SLC43A1: variants seen among roughly 807,000 people sequenced by gnomAD.
SLC43A1 encodes solute carrier family 43 member 1.
SLC43A1 carries 31 observed loss-of-function variants against 59.5 expected under a neutral mutation model. The observed-to-expected ratio is 0.52, with a 90% CI of 0.39 to 0.70. The LOEUF (loss-of-function observed/expected upper bound fraction) is 0.70, where lower values mean the gene tolerates loss of function less well. SLC43A1 is among the 30% of genes least tolerant of loss of function. The probability of loss-of-function intolerance (pLI) is 0.00; values close to 1 mark genes in which losing one functional copy is unlikely to be tolerated. For missense variants in SLC43A1, 598 were observed against 717.8 expected (o/e 0.83, Z 1.91); for synonymous variants, 259 against 290.9 (o/e 0.89, Z 1.12).
rs372836984 is a variant in SLC43A1 at position 57,513,980 on chromosome 11, G to A, written c.132C>T (p.Gly44=). ...TACCTGGGCACGTGCTGGAATAGAAGCCCTCGTTCTTCAGAATGATCAACA... is the reference window on the plus strand; with the variant it reads ...TACCTGGGCACGTGCTGGAATAGAAACCCTCGTTCTTCAGAATGATCAACA... ...GSLLIILKNE[G]FYSSTCPAES... Residue 44 remains glycine (G), a synonymous_variant, in exon 2 of 15, where the codon GGC becomes GGT. Coordinates refer to ENST00000278426, the MANE Select transcript of SLC43A1 (RefSeq NM_003627.6). 2 of 1,315,916 alleles carry A rather than the reference G, an allele frequency of 1.5e-6. No individual in the cohort carries two copies. The highest frequency in any genetic ancestry group is 2.0e-5 in the Admixed American group (1 of 50,752). The allele number at this position is 1,315,916 out of a possible 1,614,324, so 81.5% of individuals were successfully genotyped here.
chr11:57,500,198 C>G (rs1944218517), intron 5 of SLC43A1, among the ~76,000 whole-genome samples: 1 of 152,190 alleles, frequency 6.6e-6, no homozygotes, highest in South Asian at 2.1e-4. Flanking sequence ...ATGTGCACGA[C>G]GAGGTGTCGA....
intron 8 of SLC43A1, among the ~76,000 whole-genome samples, chr11:57,493,784 T>G (rs1469718667): frequency 6.6e-6 from 1 of 152,174 alleles, no homozygotes; most frequent in East Asian, 1.9e-4. Flanking sequence ...ATCCCAGGAA[T>G]CCAGCAGGGT....
intron 2 of SLC43A1, among the ~76,000 whole-genome samples, chr11:57,510,565 T>C (rs1471522622): frequency 3.3e-5 from 5 of 151,294 alleles, no homozygotes; most frequent in Admixed American, 6.6e-5. Context: ...AATAGGCTGG[T>C]CCCAGTGCAG....
chr11:57,484,779 C>G lies in SLC43A1; in HGVS notation c.*317G>C, dbSNP rs77679817. The G allele has an allele frequency of 1.8e-3, 454 of 256,798 alleles. 11 individuals carry two copies. In the East Asian group the frequency reaches 0.023, roughly 13 times the overall value. The allele number at this position is 256,798 out of a possible 1,614,324, so 15.9% of individuals were successfully genotyped here. A position where few individuals can be genotyped will look rare whatever the true frequency, so the allele number is the denominator to read the frequency against. On this transcript the variant is annotated 3_prime_UTR_variant, in exon 15 of 15. Coordinates refer to ENST00000278426, the MANE Select transcript of SLC43A1 (RefSeq NM_003627.6). ...AGGGGTAGCCTGTTTGCCGATCCCC[C>G]CAAGAGGTACCAGGAGGCAGACCGC...
chr11:57,503,552 G>A (rs1285948356), intron 2 of SLC43A1, among the ~76,000 whole-genome samples: 1 of 151,894 alleles, frequency 6.6e-6, no homozygotes, highest in African/African-American at 2.4e-5. Flanking sequence ...CGAACTCCTG[G>A]GCCCAAGTGA....
chr11:57,514,727 G>T lies in SLC43A1; in HGVS notation c.-13-603C>A. Reference sequence around the variant, plus strand: ...AGCCAACAGCTGCCACGTGGAGGGAGACCCAGGACGGGCTCTCCTCGGTTC... The same window carrying T: ...AGCCAACAGCTGCCACGTGGAGGGATACCCAGGACGGGCTCTCCTCGGTTC... On this transcript the variant is annotated intron_variant, in intron 1 of 14. Coordinates refer to ENST00000278426, the MANE Select transcript of SLC43A1 (RefSeq NM_003627.6). This position sits in a 1 kb window ranked among gnomAD's most constrained non-coding sequence, Gnocchi z 5.5. 1 of 711,682 alleles carries T rather than the reference G, an allele frequency of 1.4e-6. No individual in the cohort carries two copies. Among genetic ancestry groups the T allele is most frequent in the Non-Finnish European group, 1.7e-6 (1 of 579,568 alleles). 44.1% of individuals were successfully genotyped at this position (711,682 alleles called of 1,614,324 possible).
chr11:57,497,670 C>G lies in SLC43A1; in HGVS notation c.558+83G>C, dbSNP rs367946128. ...GAAAGGAGAGCGGAGAAGTCAGACC[C>G]GTGGGTCAGCACTAGCTGCTGCTCA... On this transcript the variant is annotated intron_variant, in intron 6 of 14. Transcript: ENST00000278426. 46 of 982,198 alleles carry G rather than the reference C, an allele frequency of 4.7e-5. 1 individual carries two copies. In the South Asian group the frequency reaches 6.2e-4, roughly 13 times the overall value. The allele number at this position is 982,198 out of a possible 1,614,324, so 60.8% of individuals were successfully genotyped here.
chr11:57,499,334 A>C (rs888450348), intron 5 of SLC43A1, among the ~76,000 whole-genome samples: 3 of 151,826 alleles, frequency 2.0e-5, no homozygotes, highest in African/African-American at 7.2e-5. Context: ...AACAAAAAAA[A>C]AAAAAATGGT....
rs892711290 is a variant in SLC43A1 at position 57,514,841 on chromosome 11, C to A, written c.-14+603G>T. On this transcript the variant is annotated intron_variant, in intron 1 of 14. Transcript: ENST00000278426. The surrounding 1 kb of genome is among the most constrained non-coding windows in gnomAD (Gnocchi z 5.5). ...GAACCCGCTTGCCCCCCTCCAGCCC[C>A]GGGAGGGGGCTCGGACTTCGGCAGG... 4 of 985,428 alleles carry A rather than the reference C, an allele frequency of 4.1e-6. No individual in the cohort carries two copies. The highest frequency in any genetic ancestry group is 4.8e-6 in the Non-Finnish European group (4 of 830,082). 61.0% of individuals were successfully genotyped at this position (985,428 alleles called of 1,614,324 possible). A position where few individuals can be genotyped will look rare whatever the true frequency, so the allele number is the denominator to read the frequency against.
chr11:57,489,122 T>C, intron 12 of SLC43A1, 129 bp downstream of exon 12: 1 of 1,447,568 alleles, frequency 6.9e-7, no homozygotes, highest in Non-Finnish European at 9.6e-7. Context: ...AAACACTTCC[T>C]GGAGAACCCG....
intron 2 of SLC43A1, among the ~76,000 whole-genome samples, chr11:57,503,064 T>C (rs1944306865): frequency 6.6e-6 from 1 of 152,120 alleles, no homozygotes; most frequent in African/African-American, 2.4e-5. Flanking sequence ...TAAAGGAATC[T>C]GTGTGTTGAC....
In SLC43A1 at chr11:57,500,794, C is replaced by CGTTA; in HGVS notation, c.446_449dup (p.Phe151AsnfsTer77). On this transcript the variant is annotated frameshift_variant, in exon 5 of 15. Coordinates refer to ENST00000278426, the MANE Select transcript of SLC43A1 (RefSeq NM_003627.6). LOFTEE classifies it high-confidence loss of function. Reference sequence around the variant, plus strand: ...TGACACTCACCGTGAGTGAAGTGAACGTTAGGCAGATGCCACCAAAGCCAT... The same window carrying CGTTA: ...TGACACTCACCGTGAGTGAAGTGAACGTTAGTTAGGCAGATGCCACCAAAGCCAT... 6.2e-7 allele frequency: 1 copy of CGTTA among 1,614,172 alleles called. No individual in the cohort carries two copies. Among genetic ancestry groups the CGTTA allele is most frequent in the Non-Finnish European group, 8.5e-7 (1 of 1,180,002 alleles).
chr11:57,489,129 C>T lies in SLC43A1; in HGVS notation c.1335+122G>A. The T allele has an allele frequency of 2.1e-6, 3 of 1,458,444 alleles. No homozygotes were observed. The South Asian group carries it at 3.6e-5, about 17-fold the overall frequency. The allele number at this position is 1,458,444 out of a possible 1,614,324, so 90.3% of individuals were successfully genotyped here. On this transcript the variant is annotated intron_variant, in intron 12 of 14. Coordinates refer to ENST00000278426, the MANE Select transcript of SLC43A1 (RefSeq NM_003627.6). ...TCTACTAGAAACACTTCCTGGAGAA[C>T]CCGGAAAATAGATCCAGATCAGAAG...
rs373802105 is a variant in SLC43A1, at chr11:57,496,177, G to C, written c.559-13C>G. On this transcript the variant is annotated splice_polypyrimidine_tract_variant and intron_variant, in intron 6 of 14. Transcript: ENST00000278426. The stretch of plus-strand genomic sequence containing the variant: ...CATCGTAGATCAGCTGTGAGAGGAG[G>C]GGGCAGGCCCGTGGGGGAGACTGCC... 1.1e-4 allele frequency: 171 copies of C among 1,613,492 alleles called. No individual in the cohort carries two copies. The highest frequency in any genetic ancestry group is 4.3e-5 in the Non-Finnish European group (51 of 1,179,796).
intron 11 of SLC43A1, among the ~76,000 whole-genome samples, chr11:57,490,718 A>T (rs9667020): frequency 2.4e-3 from 360 of 152,344 alleles, no homozygotes; most frequent in African/African-American, 8.4e-3. Context: ...TCTGACTGTC[A>T]GAAACTGTAT....
In SLC43A1 at chr11:57,501,442, G is replaced by T; in HGVS notation, c.155-113C>A. ...TCAAATCCCATGCCAAGTGCCTTTGGGGGTACCCTAGAGTCACATCTCCTC... is the reference window on the plus strand; with the variant it reads ...TCAAATCCCATGCCAAGTGCCTTTGTGGGTACCCTAGAGTCACATCTCCTC... On this transcript the variant is annotated intron_variant, in intron 2 of 14. Coordinates refer to ENST00000278426, the MANE Select transcript of SLC43A1 (RefSeq NM_003627.6). 6 of 1,111,808 alleles carry T rather than the reference G, an allele frequency of 5.4e-6. No individual in the cohort carries two copies. The South Asian group carries it at 8.3e-5, about 15-fold the overall frequency. The allele number at this position is 1,111,808 out of a possible 1,614,324, so 68.9% of individuals were successfully genotyped here. A position where few individuals can be genotyped will look rare whatever the true frequency, so the allele number is the denominator to read the frequency against.
chr11:57,499,429 G>A (rs548694710), intron 5 of SLC43A1: 2 of 152,382 alleles, frequency 1.3e-5, no homozygotes, highest in African/African-American at 4.8e-5. Flanking sequence ...TCAGGCAGAG[G>A]TTTTCCTGCA....
In SLC43A1 at chr11:57,484,760, A is replaced by G. The variant is rs1943680476; in HGVS notation, c.*336T>C. On this transcript the variant is annotated 3_prime_UTR_variant, in exon 15 of 15. Transcript: ENST00000278426. The stretch of plus-strand genomic sequence containing the variant: ...TCATGGCACATGGGACCTCAGGGGT[A>G]GCCTGTTTGCCGATCCCCCCAAGAG... 1.4e-5 allele frequency: 3 copies of G among 214,508 alleles called. No individual in the cohort carries two copies. In the South Asian group the frequency reaches 2.4e-4, roughly 17 times the overall value. 13.3% of individuals were successfully genotyped at this position (214,508 alleles called of 1,614,324 possible).
At chr11:57,496,705 G>A (rs1044442035) in intron 6 of SLC43A1, among the ~76,000 whole-genome samples, 3 of 152,180 alleles carry the variant, frequency 2.0e-5, no homozygotes, top group Non-Finnish European at 4.4e-5. Context: ...AGAGGGAGGT[G>A]CAAGTGCTCT....
Sources: allele counts gnomAD v4.1 joint callset (sites outside exome capture counted in the v4.1 genomes callset), GRCh38; gene constraint gnomAD v4.1.1; non-coding constraint Gnocchi (gnomAD v3.1); transcripts MANE v1.5; gene names NCBI Gene and HGNC (gene_info 2026-07-23, HGNC 2026-07-21).